Variants in RANBP2 observed in about 807,000 individuals in gnomAD.
The protein encoded by RANBP2 is E3 SUMO-protein ligase RanBP2.
RANBP2 carries 57 observed loss-of-function variants against 303.6 expected under a neutral mutation model. The ratio of observed to expected loss-of-function variants is 0.19; its 90% CI spans 0.15 to 0.23. The LOEUF (loss-of-function observed/expected upper bound fraction) is 0.23, where lower values mean the gene tolerates loss of function less well. Ranked by LOEUF, RANBP2 falls within the 10% of genes least tolerant of loss-of-function variation. RANBP2 has a pLI of 1.00. For missense variants in RANBP2, 3,138 were observed against 3,780.8 expected, an observed-to-expected ratio of 0.83 and a Z score of 4.46; for synonymous variants, 1,167 against 1,301.5, an observed-to-expected ratio of 0.90 and a Z score of 2.23.
At chr2:109,470,678 G>T in the RANBP2 span, among the ~76,000 whole-genome samples, 1 of 152,212 alleles carries the variant, frequency 6.6e-6, no homozygotes, top group Non-Finnish European at 1.5e-5. Context: ...CTGTGGCCGG[G>T]GCTGGTGGAG....
At chr2:109,585,370 G>T in the RANBP2 span, 1 of 1,421,868 alleles carries the variant, frequency 7.0e-7, no homozygotes, top group Non-Finnish European at 9.6e-7. Flanking sequence ...TGGCTGAAAA[G>T]AAATACAACT....
At chr2:109,560,785 A>G in the RANBP2 span, among the ~76,000 whole-genome samples, 1 of 152,158 alleles carries the variant, frequency 6.6e-6, no homozygotes, top group East Asian at 1.9e-4. Context: ...CCACCTAGCC[A>G]TGAAACCATA....
the RANBP2 span, among the ~76,000 whole-genome samples, chr2:109,184,883 C>T: frequency 6.6e-6 from 1 of 152,178 alleles, no homozygotes; most frequent in Non-Finnish European, 1.5e-5. Context: ...GCTGGTCCCT[C>T]AGCGAAAAAG....
chr2:108,813,896 A>G, the RANBP2 span, among the ~76,000 whole-genome samples: 5 of 152,204 alleles, frequency 3.3e-5, no homozygotes, highest in South Asian at 8.3e-4. Flanking sequence ...GGCTTTTCTC[A>G]GCATAATTAT....
chr2:109,318,768 A>G, the RANBP2 span, among the ~76,000 whole-genome samples: 2 of 152,170 alleles, frequency 1.3e-5, no homozygotes, highest in Non-Finnish European at 2.9e-5. Context: ...ATCTAAAGAC[A>G]AAGCATGAAA....
At chr2:108,827,483 A>G in the RANBP2 span, among the ~76,000 whole-genome samples, 97,467 of 152,118 alleles carry the variant, frequency 0.64, 34,387 homozygotes, top group East Asian at 0.89. Context: ...ATTTATTATG[A>G]CATCAGTTCT....
At chr2:109,117,068 C>T in the RANBP2 span, among the ~76,000 whole-genome samples, 1 of 152,230 alleles carries the variant, frequency 6.6e-6, no homozygotes, top group Non-Finnish European at 1.5e-5. Context: ...AGTTAGGCTG[C>T]TCAGGGATCA....
chr2:109,605,783 A>G, the RANBP2 span: 21 of 152,224 alleles, frequency 1.4e-4, no homozygotes, highest in Admixed American at 1.2e-3. Context: ...TTTCTATACA[A>G]CAGAATTTCT....
intron 17 of RANBP2, among the ~76,000 whole-genome samples, chr2:108,756,666 A>T (rs1306939542): frequency 1.3e-5 from 2 of 152,236 alleles, no homozygotes. Context: ...CTGTGGAAGT[A>T]TCGTGGAGCA....
chr2:109,676,037 A>G, the RANBP2 span, among the ~76,000 whole-genome samples: 1 of 152,208 alleles, frequency 6.6e-6, no homozygotes, highest in East Asian at 1.9e-4. Flanking sequence ...CATTCCTTCA[A>G]CAGACACCGG....
the RANBP2 span, among the ~76,000 whole-genome samples, chr2:108,796,489 C>T: frequency 3.3e-5 from 5 of 152,196 alleles, no homozygotes; most frequent in East Asian, 5.8e-4. Flanking sequence ...GGTATATCCC[C>T]GAAAAAAGAA....
chr2:108,813,589 A>G, the RANBP2 span, among the ~76,000 whole-genome samples: 2 of 152,188 alleles, frequency 1.3e-5, no homozygotes, highest in African/African-American at 2.4e-5. Flanking sequence ...ATGGATTTCC[A>G]TATGTCTTTT....
At chr2:109,271,394 G>A in the RANBP2 span, among the ~76,000 whole-genome samples, 1 of 152,316 alleles carries the variant, frequency 6.6e-6, no homozygotes, top group African/African-American at 2.4e-5. Context: ...GCTCAAAACT[G>A]TAGAGTAAAA....
At chr2:109,002,613 T>G in the RANBP2 span, among the ~76,000 whole-genome samples, 3 of 152,304 alleles carry the variant, frequency 2.0e-5, no homozygotes, top group East Asian at 5.8e-4. Flanking sequence ...TAACCTCACA[T>G]GGACCTAGGT....
chr2:108,830,923 C>A, the RANBP2 span, among the ~76,000 whole-genome samples: 1 of 152,034 alleles, frequency 6.6e-6, no homozygotes, highest in Non-Finnish European at 1.5e-5. Flanking sequence ...GCCTGTAGTC[C>A]CAGCACTTTG....
the RANBP2 span, among the ~76,000 whole-genome samples, chr2:108,993,665 G>A: frequency 2.0e-5 from 3 of 152,180 alleles, no homozygotes; most frequent in Non-Finnish European, 2.9e-5. Flanking sequence ...CAAAGGCAGA[G>A]GAAAGAGCTG....
At chr2:109,667,171 A>G in the RANBP2 span, 2 of 1,334,826 alleles carry the variant, frequency 1.5e-6, no homozygotes, top group Non-Finnish European at 2.1e-6. Flanking sequence ...AATTCACTGC[A>G]CATTCCAAAA....
the RANBP2 span, chr2:109,130,086 G>A: frequency 7.4e-7 from 1 of 1,357,182 alleles, no homozygotes; most frequent in Non-Finnish European, 9.5e-7. Flanking sequence ...GGGAGCTGGC[G>A]ACCAGCAGGA....
the RANBP2 span, among the ~76,000 whole-genome samples, chr2:108,802,787 A>C: frequency 8.6e-5 from 13 of 151,746 alleles, no homozygotes; most frequent in Non-Finnish European, 1.6e-4. Flanking sequence ...AGCTCTTATT[A>C]TTTTGAAATA....
Sources: gnomAD v4.1 joint callset for allele counts (sites outside exome capture counted in the v4.1 genomes callset) on GRCh38, gnomAD v4.1.1 for gene constraint, MANE v1.5 for transcripts, NCBI Gene and HGNC (gene_info 2026-07-23, HGNC 2026-07-21) for gene names.